The following ETS1 variants were observed in gnomAD, a reference collection of about 807,000 sequenced individuals.
ETS1 encodes the protein ETS proto-oncogene 1, transcription factor.
A neutral mutation model predicts 58.6 loss-of-function variants in ETS1; 15 were observed. The observed-to-expected ratio is 0.26, with a 90% CI of 0.17 to 0.39. The LOEUF is 0.39. Among genes scored for constraint, ETS1 ranks in the 10% least tolerant of loss-of-function variants. The probability of loss-of-function intolerance (pLI) is 1.00; values close to 1 mark genes in which losing one functional copy is unlikely to be tolerated. For missense variants in ETS1, 417 were observed against 610.5 expected (o/e 0.68, Z 3.34); for synonymous variants, 214 against 218.2 (o/e 0.98, Z 0.17).
chr11:128,534,728 C>T (rs1863947769), intron 3 of ETS1, among the ~76,000 whole-genome samples: 3 of 152,174 alleles, frequency 2.0e-5, no homozygotes, highest in Admixed American at 6.5e-5. Flanking sequence ...CTTCCAGGTC[C>T]ATCCATGTCC....
intron 3 of ETS1, among the ~76,000 whole-genome samples, chr11:128,545,027 G>A (rs1022615179): frequency 6.6e-6 from 1 of 151,754 alleles, no homozygotes; most frequent in Admixed American, 6.6e-5. Context: ...GGGGGTGGGG[G>A]GGGCAGTGTA....
At chr11:128,568,822 A>T (rs1399730117) in intron 2 of ETS1, among the ~76,000 whole-genome samples, 1 of 152,250 alleles carries the variant, frequency 6.6e-6, no homozygotes, top group Non-Finnish European at 1.5e-5. Flanking sequence ...AGACTTAGCT[A>T]TCTTCAGGCG....
intron 2 of ETS1, among the ~76,000 whole-genome samples, chr11:128,570,622 C>T (rs10893887): frequency 0.41 from 62,421 of 152,032 alleles, 13,192 homozygotes; most frequent in East Asian, 0.62. Context: ...CATGGACTGG[C>T]TTTTAAATCT....
chr11:128,508,114 T>C (rs1175909096), intron 3 of ETS1, among the ~76,000 whole-genome samples: 2 of 152,186 alleles, frequency 1.3e-5, no homozygotes, highest in African/African-American at 2.4e-5. Context: ...CAGGGACGGC[T>C]CTGGCCCACT....
intron 3 of ETS1, among the ~76,000 whole-genome samples, chr11:128,517,169 T>C (rs750741161): frequency 7.2e-5 from 11 of 152,208 alleles, no homozygotes; most frequent in Non-Finnish European, 1.6e-4. Flanking sequence ...TATGAAGCAC[T>C]GAGCTAACAA....
rs537830821 is a variant in ETS1, at chr11:128,558,683, A to G, written c.70-2248T>C. On this transcript the variant is annotated intron_variant, in intron 2 of 9. Transcript: ENST00000392668. The stretch of plus-strand genomic sequence containing the variant: ...AAAAAAAAAAAAAAAAAAAAAAAAA[A>G]AGAGAGAGAGAGAGAAAAGAAAAGA... 2.7e-3 allele frequency among the ~76,000 whole-genome samples: 394 copies of G among 147,280 alleles called. 3 individuals carry two copies. Among genetic ancestry groups the G allele is most frequent in the East Asian group, 0.02 (102 of 5,054 alleles).
rs1431684221 is a variant in ETS1, at chr11:128,468,161, A to C, written c.1124-4534T>G. ...ATCACACCAAGGATGTTCACCCCCT[A>C]AGGGGACCCCCAAGGCTCCTCAAAT... On this transcript the variant is annotated intron_variant, in intron 8 of 9. Transcript: ENST00000392668. 2.0e-5 allele frequency among the ~76,000 whole-genome samples: 3 copies of C among 152,210 alleles called. No individual in the cohort carries two copies. The South Asian group carries it at 6.2e-4, about 31-fold the overall frequency.
At position 128,579,635 on chromosome 11, in the gene ETS1, C is replaced by T. The variant is rs535136109; in HGVS notation, c.-14-6491G>A. Among the ~76,000 whole-genome samples, 8 of 148,154 alleles carry T rather than the reference C, an allele frequency of 5.4e-5. No homozygotes were observed. The South Asian group carries it at 8.7e-4, about 16-fold the overall frequency. ...GAGATCTCGCCATTACACTCCCACC[C>T]GGCAACAAGAGCAAAACTCCATTGA... On this transcript the variant is annotated intron_variant, in intron 1 of 9. Coordinates refer to ENST00000392668, the MANE Select transcript of ETS1 (RefSeq NM_001143820.2).
In ETS1 at chr11:128,528,471, A is replaced by C. The variant is rs149119347; in HGVS notation, c.214+27820T>G. On this transcript the variant is annotated intron_variant, in intron 3 of 9. Transcript: ENST00000392668. ...ACAGAAGCTGTCACCCCACCCCTGC[A>C]AGTTGCCACTTTTCTGCTCAGCTCA... 6.2e-4 allele frequency among the ~76,000 whole-genome samples: 95 copies of C among 152,264 alleles called. No individual in the cohort carries two copies. In the East Asian group the frequency reaches 0.013, roughly 20 times the overall value.
chr11:128,558,339 A>G (rs1481676046), intron 2 of ETS1, among the ~76,000 whole-genome samples: 1 of 152,180 alleles, frequency 6.6e-6, no homozygotes, highest in Admixed American at 6.6e-5. Context: ...TACACTACTG[A>G]GCATCAGTCA....
intron 3 of ETS1, among the ~76,000 whole-genome samples, chr11:128,540,857 G>A (rs1214986144): frequency 4.6e-5 from 7 of 152,184 alleles, no homozygotes; most frequent in Non-Finnish European, 7.3e-5. Flanking sequence ...GCCACGGAGA[G>A]GCCAGACCAG....
At chr11:128,481,315 C>T (rs1862478888) in intron 7 of ETS1, among the ~76,000 whole-genome samples, 1 of 151,912 alleles carries the variant, frequency 6.6e-6, no homozygotes, top group African/African-American at 2.4e-5. Context: ...ACCACAAGAT[C>T]ATGCAAGTTC....
chr11:128,467,926 C>A (rs1360718640), intron 8 of ETS1, among the ~76,000 whole-genome samples: 1 of 152,136 alleles, frequency 6.6e-6, no homozygotes, highest in Admixed American at 6.5e-5. Context: ...TGGCACGGAG[C>A]CTCCACACCC....
chr11:128,480,966 C>T (rs1862469886), intron 7 of ETS1, among the ~76,000 whole-genome samples: 1 of 152,154 alleles, frequency 6.6e-6, no homozygotes, highest in South Asian at 2.1e-4. Flanking sequence ...AGACTAAGAG[C>T]AGATTAGCCT....
At chr11:128,522,514 A>C in intron 3 of ETS1, 1 of 258,028 alleles carries the variant, frequency 3.9e-6, no homozygotes, top group Non-Finnish European at 6.1e-6. Context: ...CCGCGGCCCA[A>C]AGCGAAAGGA....
intron 3 of ETS1, among the ~76,000 whole-genome samples, chr11:128,507,058 G>A (rs1333496444): frequency 6.6e-6 from 1 of 152,174 alleles, no homozygotes; most frequent in Non-Finnish European, 1.5e-5. Context: ...GGGGTGTGGG[G>A]GCGGTGAAGG....
chr11:128,474,802 C>A (rs1862278349), intron 8 of ETS1, among the ~76,000 whole-genome samples: 1 of 152,218 alleles, frequency 6.6e-6, no homozygotes, highest in African/African-American at 2.4e-5. Flanking sequence ...ATCACAACAG[C>A]CTCTGAGCAA....
chr11:128,526,604 C>G (rs1360035416), intron 3 of ETS1: 1 of 259,934 alleles, frequency 3.8e-6, no homozygotes, highest in African/African-American at 2.3e-5. Flanking sequence ...GAACAACTAT[C>G]ACCACATTTC....
chr11:128,547,655 T>A (rs1276198302), intron 3 of ETS1, among the ~76,000 whole-genome samples: 2 of 151,810 alleles, frequency 1.3e-5, no homozygotes, highest in African/African-American at 4.8e-5. Context: ...TTTTTTTTAA[T>A]CCCACCTAAC....
Sources: gnomAD v4.1 joint callset for allele counts (sites outside exome capture counted in the v4.1 genomes callset) on GRCh38, gnomAD v4.1.1 for gene constraint, MANE v1.5 for transcripts, NCBI Gene and HGNC (gene_info 2026-07-23, HGNC 2026-07-21) for gene names.